Variants in TSC22D1 observed in about 807,000 individuals in gnomAD.
TSC22D1 encodes the protein TSC22 domain family member 1, also known as TSC22 domain family protein 1.
Under a neutral mutation model 74.2 loss-of-function variants are expected in TSC22D1, and 9 were observed. The ratio of observed to expected loss-of-function variants is 0.12; its 90% confidence interval spans 0.07 to 0.21. The LOEUF (loss-of-function observed/expected upper bound fraction) is 0.21, where lower values mean the gene tolerates loss of function less well. Among genes scored for constraint, TSC22D1 ranks in the 10% least tolerant of loss-of-function variants. The pLI is 1.00. For missense variants in TSC22D1, 1,427 were observed against 1,304.7 expected, an observed-to-expected ratio of 1.09 and a Z score of -1.44; for synonymous variants, 586 against 492.5, an observed-to-expected ratio of 1.19 and a Z score of -2.51.
At chr13:44,449,172 A>C (rs1875924213) in intron 1 of TSC22D1, among the ~76,000 whole-genome samples, 1 of 152,104 alleles carries the variant, frequency 6.6e-6, no homozygotes, top group Non-Finnish European at 1.5e-5. Context: ...TTCCTTTCTG[A>C]GGCTGGGCAG....
At chr13:44,469,671 T>G (rs935917467) in intron 1 of TSC22D1, among the ~76,000 whole-genome samples, 59 of 152,130 alleles carry the variant, frequency 3.9e-4, no homozygotes, top group Middle Eastern at 3.2e-3. Flanking sequence ...TGTATTATTT[T>G]TACTTGAAAA....
At chr13:44,562,848 C>T (rs1352956771) in intron 1 of TSC22D1, among the ~76,000 whole-genome samples, 1 of 152,076 alleles carries the variant, frequency 6.6e-6, no homozygotes, top group Non-Finnish European at 1.5e-5. Flanking sequence ...GGCTCATGCC[C>T]GTAATCCCAA....
intron 1 of TSC22D1, among the ~76,000 whole-genome samples, chr13:44,531,801 A>G (rs1028913578): frequency 2.0e-5 from 3 of 152,238 alleles, no homozygotes. Context: ...TAATGTTGCT[A>G]TAGCAGAATG....
chr13:44,514,519 C>T (rs1380171072), intron 1 of TSC22D1, among the ~76,000 whole-genome samples: 3 of 151,984 alleles, frequency 2.0e-5, no homozygotes, highest in African/African-American at 7.3e-5. Flanking sequence ...CATACACACA[C>T]ACACGATGAT....
chr13:44,576,359 T>G (rs1884249726), upstream of TSC22D1: 2 of 371,874 alleles, frequency 5.4e-6, no homozygotes, highest in South Asian at 6.6e-5. Context: ...CCCCTTTATA[T>G]TCTGCTTCAC....
At chr13:44,487,606 G>C (rs1055238857) in intron 1 of TSC22D1, among the ~76,000 whole-genome samples, 1 of 148,100 alleles carries the variant, frequency 6.8e-6, no homozygotes, top group Non-Finnish European at 1.5e-5. Context: ...AACAAATCTA[G>C]TAGTGAATAA....
At chr13:44,563,703 C>T (rs187043456) in intron 1 of TSC22D1, among the ~76,000 whole-genome samples, 1 of 152,276 alleles carries the variant, frequency 6.6e-6, no homozygotes, top group East Asian at 1.9e-4. Flanking sequence ...TTCTGACCTA[C>T]CAAAGGTCAA....
At chr13:44,504,744 C>A (rs566679802) in intron 1 of TSC22D1, among the ~76,000 whole-genome samples, 1 of 151,902 alleles carries the variant, frequency 6.6e-6, no homozygotes, top group East Asian at 1.9e-4. Context: ...AAAGTTGAAA[C>A]ATCGGATTAC....
intron 1 of TSC22D1, among the ~76,000 whole-genome samples, chr13:44,513,774 TTTCTC>T (rs1387081022): frequency 3.3e-5 from 5 of 152,214 alleles, no homozygotes; most frequent in East Asian, 1.9e-4. Context: ...TAGAGAATCT[TTTCTC>T]TTCTAACTTC....
Position 44,574,834 on chromosome 13 carries a change from G to C in TSC22D1, c.1241C>G (p.Ser414Cys), listed in dbSNP as rs1884088254. The C allele has an allele frequency of 6.2e-7, 1 of 1,614,106 alleles. No homozygotes were observed. Among genetic ancestry groups the C allele is most frequent in the East Asian group, 2.2e-5 (1 of 44,878 alleles). ...ACCTTTTTTAAAGGGCTCAGAACTA[G>C]AATCTAACTTCACAACTCTGAACCT... ...TSRFRVVKLD[S>C]SSEPFKKGRW... The change falls in exon 1 of 3, where the codon TCT (serine) becomes TGT (cysteine). Residue 414 changes from serine (S) to cysteine (C), a missense_variant. Physicochemically the swap from Ser to Cys is moderately radical, Grantham distance 112. Coordinates refer to ENST00000458659, the MANE Select transcript of TSC22D1 (RefSeq NM_183422.4).
intron 1 of TSC22D1, among the ~76,000 whole-genome samples, chr13:44,463,476 C>G (rs1877109393): frequency 1.3e-5 from 2 of 152,050 alleles, no homozygotes; most frequent in African/African-American, 4.8e-5. Flanking sequence ...GCTAAACAGC[C>G]CATATGTTAA....
At chr13:44,464,941 AT>A (rs61095233) in intron 1 of TSC22D1, among the ~76,000 whole-genome samples, 15,060 of 152,088 alleles carry the variant, frequency 0.099, 772 homozygotes, top group Non-Finnish European at 0.11. Context: ...TTCTTTGTGT[AT>A]TTTTTAATAC....
chr13:44,519,419 C>T (rs138471652), intron 1 of TSC22D1, among the ~76,000 whole-genome samples: 41 of 152,140 alleles, frequency 2.7e-4, no homozygotes, highest in African/African-American at 7.7e-4. Flanking sequence ...AGAAATGGCA[C>T]GCAAAAATGT....
Position 44,434,217 on chromosome 13 carries a change from C to T in TSC22D1, c.*409G>A, listed in dbSNP as rs905677491. ...TCCTGGGGGGAGGAGAGGAGAGAGG[C>T]GAGTCCAGTGAGGAGCTCCATCGCT... On this transcript the variant is annotated 3_prime_UTR_variant, in exon 3 of 3. Transcript: ENST00000458659. The T allele has an allele frequency of 1.7e-5, 25 of 1,435,998 alleles. No individual in the cohort carries two copies. The African/African-American group carries it at 2.6e-4, about 15-fold the overall frequency. The allele number at this position is 1,435,998 out of a possible 1,614,324, so 89.0% of individuals were successfully genotyped here.
chr13:44,468,738 G>T (rs1877435232), intron 1 of TSC22D1, among the ~76,000 whole-genome samples: 4 of 149,804 alleles, frequency 2.7e-5, no homozygotes, highest in African/African-American at 9.7e-5. Context: ...CCTATTACTG[G>T]TCTTTATATC....
chr13:44,437,516 GAA>G (rs58456941), intron 1 of TSC22D1, among the ~76,000 whole-genome samples: 2,222 of 152,104 alleles, frequency 0.015, 48 homozygotes, highest in African/African-American at 0.05. Flanking sequence ...AGGCATGAGG[GAA>G]AGACTCCAGA....
chr13:44,467,279 C>T (rs950323937), intron 1 of TSC22D1, among the ~76,000 whole-genome samples: 26 of 152,134 alleles, frequency 1.7e-4, no homozygotes, highest in African/African-American at 5.6e-4. Context: ...GGATACCTGA[C>T]GTGAAACCAT....
chr13:44,513,177 A>G (rs952179499), intron 1 of TSC22D1, among the ~76,000 whole-genome samples: 1 of 152,080 alleles, frequency 6.6e-6, no homozygotes, highest in African/African-American at 2.4e-5. Flanking sequence ...TTCCCCTAAC[A>G]CTAAAAAATG....
At chr13:44,544,554 A>C (rs1881695451) in intron 1 of TSC22D1, among the ~76,000 whole-genome samples, 1 of 151,822 alleles carries the variant, frequency 6.6e-6, no homozygotes, top group Non-Finnish European at 1.5e-5. Context: ...AAAAAAAAAA[A>C]AAACCAACGG....
Sources: gnomAD v4.1 joint callset for allele counts (sites outside exome capture counted in the v4.1 genomes callset) on GRCh38, gnomAD v4.1.1 for gene constraint, MANE v1.5 for transcripts, NCBI Gene and HGNC (gene_info 2026-07-23, HGNC 2026-07-21) for gene names.